Variants in SELENOF observed in about 807,000 individuals in gnomAD.
The protein encoded by SELENOF is 15 kDa selenoprotein.
A neutral mutation model predicts 20.5 loss-of-function variants in SELENOF; 16 were observed. The observed-to-expected ratio is 0.78, with a 90% confidence interval of 0.53 to 1.19. The LOEUF (loss-of-function observed/expected upper bound fraction) is 1.19, where lower values mean the gene tolerates loss of function less well. SELENOF is among the 50% of genes most tolerant of loss of function. The pLI is 0.00. For synonymous variants in SELENOF, 78 were observed against 74.5 expected (o/e 1.05, Z -0.24); for missense variants, 215 against 194.2 (o/e 1.11, Z -0.64).
intron 3 of SELENOF, among the ~76,000 whole-genome samples, chr1:86,869,360 T>C (rs538541968): frequency 7.9e-5 from 12 of 152,344 alleles, no homozygotes; most frequent in South Asian, 2.1e-4. Flanking sequence ...CACATAATCA[T>C]TGAAAAATTA....
In SELENOF at chr1:86,903,211, T is replaced by C. The variant is rs567523229; in HGVS notation, c.252+70A>G. On this transcript the variant is annotated intron_variant, in intron 2 of 4. Transcript: ENST00000331835. ...GAGGCTTTTTTACACTTAAATTGAT[T>C]AAGCAACTTACATTTTTACCTTATC... 1.6e-5 allele frequency: 22 copies of C among 1,365,032 alleles called. No individual in the cohort carries two copies. In the East Asian group the frequency reaches 4.6e-4, roughly 29 times the overall value. The allele number at this position is 1,365,032 out of a possible 1,614,324, so 84.6% of individuals were successfully genotyped here. A position where few individuals can be genotyped will look rare whatever the true frequency, so the allele number is the denominator to read the frequency against.
At position 86,913,378 on chromosome 1, in the gene SELENOF, G is replaced by A. The variant is rs551886050; in HGVS notation, c.84+650C>T. On this transcript the variant is annotated intron_variant, in intron 1 of 4. Coordinates refer to ENST00000331835, the MANE Select transcript of SELENOF (RefSeq NM_004261.5). Reference sequence around the variant, plus strand: ...GTCACCCATCTATTCTGCCAATAGAGAAAAATGAAATAAAAAACGCTGCCT... The same window carrying A: ...GTCACCCATCTATTCTGCCAATAGAAAAAAATGAAATAAAAAACGCTGCCT... 2.0e-5 allele frequency among the ~76,000 whole-genome samples: 3 copies of A among 147,272 alleles called. No individual in the cohort carries two copies. In the East Asian group the frequency reaches 5.8e-4, roughly 28 times the overall value.
At chr1:86,909,973 T>C (rs1406294186) in intron 1 of SELENOF, among the ~76,000 whole-genome samples, 1 of 152,054 alleles carries the variant, frequency 6.6e-6, no homozygotes, top group African/African-American at 2.4e-5. Flanking sequence ...CGGGTGACAA[T>C]GCGAGACTTC....
At chr1:86,867,841 T>C (rs1409582687) in intron 4 of SELENOF, among the ~76,000 whole-genome samples, 3 of 152,042 alleles carry the variant, frequency 2.0e-5, no homozygotes, top group African/African-American at 7.2e-5. Context: ...ACTCTTTCCT[T>C]TGCATTCAAA....
chr1:86,865,430 TAAC>T (rs1433343975), intron 4 of SELENOF, among the ~76,000 whole-genome samples: 2 of 152,132 alleles, frequency 1.3e-5, no homozygotes, highest in African/African-American at 4.8e-5. Context: ...CTCCACAACT[TAAC>T]AACAACAACC....
intron 3 of SELENOF, among the ~76,000 whole-genome samples, chr1:86,880,005 C>T (rs1007211866): frequency 2.6e-5 from 4 of 151,784 alleles, no homozygotes; most frequent in African/African-American, 4.9e-5. Context: ...TTAAAATAAA[C>T]TACAGCGGTG....
rs529357388 is a variant in SELENOF at position 86,880,174 on chromosome 1, C to T, written c.316+488G>A. On this transcript the variant is annotated intron_variant, in intron 3 of 4. Coordinates refer to ENST00000331835, the MANE Select transcript of SELENOF (RefSeq NM_004261.5). ...TTTTTGAGACAGAGTCTCGTTCTGT[C>T]GCCCAGGCTGGAGTGCAGTGGCGTG... Among the ~76,000 whole-genome samples the T allele has an allele frequency of 2.0e-5, 3 of 150,326 alleles. No homozygotes were observed. The East Asian group carries it at 5.9e-4, about 29-fold the overall frequency.
At chr1:86,873,871 A>T (rs995174233) in intron 3 of SELENOF, among the ~76,000 whole-genome samples, 8 of 138,370 alleles carry the variant, frequency 5.8e-5, no homozygotes, top group African/African-American at 2.2e-4. Flanking sequence ...AAAAAAAAAA[A>T]TTATTTAAAA....
chr1:86,892,854 C>T (rs1002963337), intron 2 of SELENOF, among the ~76,000 whole-genome samples: 2 of 152,098 alleles, frequency 1.3e-5, no homozygotes, highest in Admixed American at 1.3e-4. Context: ...AAACTAGTAA[C>T]GAAATTCTAT....
intron 1 of SELENOF, among the ~76,000 whole-genome samples, chr1:86,904,151 A>G (rs889088624): frequency 1.3e-5 from 2 of 152,212 alleles, no homozygotes; most frequent in African/African-American, 2.4e-5. Flanking sequence ...GAGTAAGATT[A>G]GCTGTAGGGT....
At chr1:86,885,391 CCAGATAG>C (rs3030661) in intron 2 of SELENOF, among the ~76,000 whole-genome samples, 39,351 of 151,788 alleles carry the variant, frequency 0.26, 6,266 homozygotes, top group African/African-American at 0.45. Context: ...CTGTTTCTCA[CCAGATAG>C]CTAGATTCCA....
intron 2 of SELENOF, among the ~76,000 whole-genome samples, chr1:86,894,194 T>A (rs1659462101): frequency 6.6e-6 from 1 of 151,002 alleles, no homozygotes; most frequent in African/African-American, 2.4e-5. Context: ...TTTTTAAGTA[T>A]TACTTTTAAG....
At position 86,907,986 on chromosome 1, in the gene SELENOF, CA is replaced by C. The variant is rs1415012719; in HGVS notation, c.85-4539del. On this transcript the variant is annotated intron_variant, in intron 1 of 4. Coordinates refer to ENST00000331835, the MANE Select transcript of SELENOF (RefSeq NM_004261.5). ...GGGCGGTAAGTGTGAATCGCCATCT[CA>C]AAAAAAAAAACAAAAAAAAAAACCA... Among the ~76,000 whole-genome samples, 797 of 106,320 alleles carry C rather than the reference CA, an allele frequency of 7.5e-3. 9 individuals are homozygous for C. The highest frequency in any genetic ancestry group is 5.2e-3 in the Non-Finnish European group (276 of 52,576). The allele number at this position is 106,320 out of a possible 152,430, so 69.8% of individuals were successfully genotyped here.
At chr1:86,911,997 C>T (rs1211211725) in intron 1 of SELENOF, among the ~76,000 whole-genome samples, 2 of 152,074 alleles carry the variant, frequency 1.3e-5, no homozygotes, top group African/African-American at 4.8e-5. Context: ...GTCTTGAACT[C>T]CTGACCTCAG....
rs531927431 is a variant in SELENOF, at chr1:86,892,123, G to A, written c.252+11158C>T. On this transcript the variant is annotated intron_variant, in intron 2 of 4. Transcript: ENST00000331835. ...TTTCTTTTGTATTTTTAGTAGAGAC[G>A]GGGTTTCACCATGTTAGCCAGGATG... Among the ~76,000 whole-genome samples the A allele has an allele frequency of 1.1e-3, 162 of 151,786 alleles. 1 individual carries two copies. Among genetic ancestry groups the A allele is most frequent in the African/African-American group, 3.7e-3 (153 of 41,348 alleles).
In SELENOF at chr1:86,862,844, A is replaced by G. The variant is rs1406545874; in HGVS notation, c.*630T>C. On this transcript the variant is annotated 3_prime_UTR_variant, in exon 5 of 5. Coordinates refer to ENST00000331835, the MANE Select transcript of SELENOF (RefSeq NM_004261.5). The stretch of plus-strand genomic sequence containing the variant: ...ATGTATCTGATCCACACAAATCCCT[A>G]GAAAGGTTTTCTGTGTAGTCTTCAT... 1 of 152,568 alleles carries G rather than the reference A, an allele frequency of 6.6e-6. No homozygotes were observed. The allele number at this position is 152,568 out of a possible 1,614,324, so 9.5% of individuals were successfully genotyped here. A position where few individuals can be genotyped will look rare whatever the true frequency, so the allele number is the denominator to read the frequency against.
chr1:86,863,593 A>T lies in SELENOF; in HGVS notation c.379T>A (p.Ser127Thr). ...TCCAAAAGCTTTAATACAGGGTCTGAACCACGGACATACTACAAAAAAGAG... is the reference window on the plus strand; with the variant it reads ...TCCAAAAGCTTTAATACAGGGTCTGTACCACGGACATACTACAAAAAAGAG... The part of the protein sequence containing the change: ...RGLQIKYVRG[S>T]DPVLKLLDDN... The change falls in exon 5 of 5, where the codon TCA (serine) becomes ACA (threonine). Residue 127 changes from serine (S) to threonine (T), a missense_variant. Ser to Thr is a moderately conservative substitution (Grantham distance 58). Coordinates refer to ENST00000331835, the MANE Select transcript of SELENOF (RefSeq NM_004261.5). The T allele has an allele frequency of 6.2e-7, 1 of 1,613,290 alleles. No individual in the cohort carries two copies. The highest frequency in any genetic ancestry group is 1.7e-5 in the Admixed American group (1 of 59,872).
At chr1:86,897,034 G>A (rs761327827) in intron 2 of SELENOF, among the ~76,000 whole-genome samples, 1 of 152,152 alleles carries the variant, frequency 6.6e-6, no homozygotes. Flanking sequence ...GGCCGGGCAC[G>A]GTGGCTCACG....
chr1:86,900,249 G>A (rs1659657209), intron 2 of SELENOF, among the ~76,000 whole-genome samples: 1 of 151,980 alleles, frequency 6.6e-6, no homozygotes, highest in Non-Finnish European at 1.5e-5. Context: ...CTGGGAGGTG[G>A]AGGTTGTAGC....
Sources: allele counts gnomAD v4.1 joint callset (sites outside exome capture counted in the v4.1 genomes callset), GRCh38; gene constraint gnomAD v4.1.1; transcripts MANE v1.5; gene names NCBI Gene and HGNC (gene_info 2026-07-23, HGNC 2026-07-21).